The following OLFML2A variants were observed in gnomAD, a reference collection of about 807,000 sequenced individuals.
OLFML2A encodes the protein olfactomedin-like protein 2A.
A neutral mutation model predicts 60.9 loss-of-function variants in OLFML2A; 47 were observed. The ratio of observed to expected loss-of-function variants is 0.77; its 90% confidence interval spans 0.61 to 0.98. The LOEUF (loss-of-function observed/expected upper bound fraction) is 0.98. OLFML2A is among the 50% of genes least tolerant of loss of function. OLFML2A has a pLI of 0.00. For missense variants in OLFML2A, 922 were observed against 879.8 expected (o/e 1.05, Z -0.61); for synonymous variants, 372 against 375.0 (o/e 0.99, Z 0.09).
In OLFML2A at chr9:124,779,048, A is replaced by G; in HGVS notation, c.90+1688A>G. 4.6e-6 allele frequency: 3 copies of G among 649,398 alleles called. No homozygotes were observed. The highest frequency in any genetic ancestry group is 5.7e-6 in the Non-Finnish European group (3 of 523,246). 40.2% of individuals were successfully genotyped at this position (649,398 alleles called of 1,614,324 possible). ...CAGCCTGATTCAGCTCAGGGCATGAAAGCACCCACGTACAACGCTGCTCAT... is the reference window on the plus strand; with the variant it reads ...CAGCCTGATTCAGCTCAGGGCATGAGAGCACCCACGTACAACGCTGCTCAT... On this transcript the variant is annotated intron_variant, in intron 1 of 7. Coordinates refer to ENST00000373580, the MANE Select transcript of OLFML2A (RefSeq NM_182487.4). The surrounding 1 kb of genome is among the most constrained non-coding windows in gnomAD (Gnocchi z 4.1).
In OLFML2A at chr9:124,777,466, G is replaced by A. The variant is rs1588875036; in HGVS notation, c.90+106G>A. The A allele has an allele frequency of 8.8e-7, 1 of 1,132,698 alleles. No individual in the cohort carries two copies. Among genetic ancestry groups the A allele is most frequent in the East Asian group, 3.5e-5 (1 of 28,856 alleles). The allele number at this position is 1,132,698 out of a possible 1,614,324, so 70.2% of individuals were successfully genotyped here. ...GGGAGCCCGGGGCCAGGGCGGAGGA[G>A]CCGGGAGCTGAGAGACCGAACCTGG... On this transcript the variant is annotated intron_variant, in intron 1 of 7. Coordinates refer to ENST00000373580, the MANE Select transcript of OLFML2A (RefSeq NM_182487.4). The surrounding 1 kb of genome is among the most constrained non-coding windows in gnomAD (Gnocchi z 6.2).
rs2131270046 is a variant in OLFML2A at position 124,801,410 on chromosome 9, C to G, written c.670-4C>G. Reference sequence around the variant, plus strand: ...TCAAGTCTGAGACTTCTCTTCCCTCCCAGGACACAGCTAGAGGAAAAGGCA... The same window carrying G: ...TCAAGTCTGAGACTTCTCTTCCCTCGCAGGACACAGCTAGAGGAAAAGGCA... On this transcript the variant is annotated splice_polypyrimidine_tract_variant and splice_region_variant and intron_variant, in intron 4 of 7. Transcript: ENST00000373580. 2 of 1,613,926 alleles carry G rather than the reference C, an allele frequency of 1.2e-6. No individual in the cohort carries two copies. Among genetic ancestry groups the G allele is most frequent in the East Asian group, 4.5e-5 (2 of 44,878 alleles).
chr9:124,805,482 C>T (rs974774792), intron 6 of OLFML2A, among the ~76,000 whole-genome samples: 2 of 152,090 alleles, frequency 1.3e-5, no homozygotes, highest in Non-Finnish European at 2.9e-5. Flanking sequence ...AGAGAAATTG[C>T]TCAACGGAGG....
chr9:124,809,460 G>A (rs916862293), intron 7 of OLFML2A, among the ~76,000 whole-genome samples: 4 of 152,052 alleles, frequency 2.6e-5, no homozygotes, highest in African/African-American at 9.7e-5. Flanking sequence ...CATTCCCCAA[G>A]CAGATGGCCT....
chr9:124,785,177 C>T (rs1468130108), intron 1 of OLFML2A, among the ~76,000 whole-genome samples: 1 of 151,568 alleles, frequency 6.6e-6, no homozygotes, highest in African/African-American at 2.4e-5. Context: ...TGGTCTCGAA[C>T]TCCCGACCTC....
intron 3 of OLFML2A, among the ~76,000 whole-genome samples, chr9:124,796,218 C>T (rs911181945): frequency 3.9e-5 from 6 of 152,176 alleles, no homozygotes; most frequent in Admixed American, 2.0e-4. Flanking sequence ...TTTAAGTATT[C>T]GAAAAGTGTT....
intron 4 of OLFML2A, chr9:124,800,700 G>A (rs1332841412): frequency 2.7e-6 from 1 of 369,580 alleles, no homozygotes; most frequent in Non-Finnish European, 3.7e-6. Flanking sequence ...AGGCGAGAAT[G>A]AAGCGTGTTT....
chr9:124,800,820 C>T (rs775662899), intron 4 of OLFML2A: 148 of 1,360,116 alleles, frequency 1.1e-4, no homozygotes, highest in Non-Finnish European at 1.2e-4. Context: ...AAGCCAGCAT[C>T]GGAGGCATTT....
chr9:124,786,732 A>T (rs1298803248), intron 1 of OLFML2A, among the ~76,000 whole-genome samples: 7 of 145,468 alleles, frequency 4.8e-5, no homozygotes, highest in Non-Finnish European at 1.0e-4. Context: ...AAAAAAAAAA[A>T]TACACGCAGA....
At chr9:124,808,019 G>T in intron 7 of OLFML2A, 53 bp downstream of exon 7, 1 of 1,360,676 alleles carries the variant, frequency 7.3e-7, no homozygotes, top group Non-Finnish European at 1.0e-6. Context: ...ACCTGGGGAG[G>T]GGTCCTCATG....
chr9:124,781,248 G>A (rs1176745943), intron 1 of OLFML2A, among the ~76,000 whole-genome samples: 1 of 152,112 alleles, frequency 6.6e-6, no homozygotes, highest in Admixed American at 6.6e-5. Context: ...TAGGATGAAG[G>A]GTCAGAAGAA....
At position 124,779,549 on chromosome 9, in the gene OLFML2A, G is replaced by A. The variant is rs201923851; in HGVS notation, c.90+2189G>A. On this transcript the variant is annotated intron_variant, in intron 1 of 7. Transcript: ENST00000373580. The surrounding 1 kb of genome is among the most constrained non-coding windows in gnomAD (Gnocchi z 4.1). ...TGCTAGGTTGTGTGTGTGTGTGGTG[G>A]GGGGGGGGTGTTTAGCTGTCCCAGG... 1.5e-4 allele frequency among the ~76,000 whole-genome samples: 4 copies of A among 26,892 alleles called. No homozygotes were observed. The highest frequency in any genetic ancestry group is 8.2e-4 in the African/African-American group (2 of 2,432). The allele number at this position is 26,892 out of a possible 152,430, so 17.6% of individuals were successfully genotyped here.
chr9:124,794,229 A>G (rs1287540146), intron 2 of OLFML2A, among the ~76,000 whole-genome samples: 1 of 152,218 alleles, frequency 6.6e-6, no homozygotes, highest in African/African-American at 2.4e-5. Context: ...AGTTGGGATT[A>G]TAGATGTCCA....
intron 2 of OLFML2A, among the ~76,000 whole-genome samples, chr9:124,789,264 A>C (rs139753526): frequency 4.6e-5 from 7 of 152,262 alleles, no homozygotes; most frequent in African/African-American, 1.2e-4. Context: ...TTTTTCTTTT[A>C]TAACTTCTCC....
In OLFML2A at chr9:124,804,098, C is replaced by T. The variant is rs954475093; in HGVS notation, c.924C>T (p.Asn308=). The T allele has an allele frequency of 1.7e-5, 27 of 1,613,810 alleles. No individual in the cohort carries two copies. Among genetic ancestry groups the T allele is most frequent in the East Asian group, 8.9e-5 (4 of 44,900 alleles). The change falls in exon 6 of 8, where the codon AAC becomes AAT. Residue 308 remains asparagine, a synonymous_variant. Coordinates refer to ENST00000373580, the MANE Select transcript of OLFML2A (RefSeq NM_182487.4). Reference sequence around the variant, plus strand: ...ACAGGGGTCTTCTCTCTGCAGACAACACCCTCCAGGGCACTTCCTGGCTGG... The same window carrying T: ...ACAGGGGTCTTCTCTCTGCAGACAATACCCTCCAGGGCACTTCCTGGCTGG... ...KQEVTEAVAD[N]TLQGTSWLEQ... is the part of the protein sequence containing the mutation.
intron 7 of OLFML2A, among the ~76,000 whole-genome samples, chr9:124,809,211 C>T (rs912728395): frequency 6.6e-5 from 10 of 152,064 alleles, no homozygotes; most frequent in Non-Finnish European, 2.9e-5. Context: ...TGAAATCCTT[C>T]CTCCGCTAGC....
At chr9:124,807,330 C>T (rs778486319) in intron 6 of OLFML2A, among the ~76,000 whole-genome samples, 53 of 132,138 alleles carry the variant, frequency 4.0e-4, no homozygotes, top group South Asian at 2.1e-3. Flanking sequence ...CTCTTGTCGC[C>T]CAGAGTGCAG....
At chr9:124,778,384 A>G (rs981750356) in intron 1 of OLFML2A, among the ~76,000 whole-genome samples, 2 of 150,710 alleles carry the variant, frequency 1.3e-5, no homozygotes, top group Non-Finnish European at 2.9e-5. Context: ...AAAAAAAAAA[A>G]TACTTAGCAC....
chr9:124,785,933 G>A (rs1841461777), intron 1 of OLFML2A, among the ~76,000 whole-genome samples: 1 of 152,092 alleles, frequency 6.6e-6, no homozygotes, highest in Admixed American at 6.6e-5. Context: ...GGGCAACATA[G>A]TGAGATCCCA....
Sources: allele counts gnomAD v4.1 joint callset (sites outside exome capture counted in the v4.1 genomes callset), GRCh38; gene constraint gnomAD v4.1.1; non-coding constraint Gnocchi (gnomAD v3.1); transcripts MANE v1.5; gene names NCBI Gene and HGNC (gene_info 2026-07-23, HGNC 2026-07-21).